Variants in SPAG16 observed in about 807,000 individuals in gnomAD.
The protein encoded by SPAG16 is sperm associated antigen 16.
A neutral mutation model predicts 80.4 loss-of-function variants in SPAG16; 86 were observed. The observed-to-expected ratio is 1.07, with a 90% CI of 0.90 to 1.28. The LOEUF is 1.28. Among genes scored for constraint, SPAG16 ranks in the 50% most tolerant of loss-of-function variants. The pLI, the probability that SPAG16 is intolerant of heterozygous loss-of-function variation, is 0.00. For missense variants in SPAG16, 870 were observed against 765.3 expected (o/e 1.14, Z -1.61); for synonymous variants, 294 against 265.9 (o/e 1.11, Z -1.03).
At chr2:214,029,937 A>G (rs1000938772) in intron 13 of SPAG16, among the ~76,000 whole-genome samples, 12 of 152,152 alleles carry the variant, frequency 7.9e-5, no homozygotes, top group African/African-American at 2.9e-4. Flanking sequence ...GGTAATAAAT[A>G]TATTCACCAC....
At chr2:214,038,239 T>C (rs1362801218) in intron 13 of SPAG16, among the ~76,000 whole-genome samples, 2 of 152,182 alleles carry the variant, frequency 1.3e-5, no homozygotes, top group African/African-American at 4.8e-5. Context: ...TTAATTCTTT[T>C]TACATTTTCT....
chr2:213,352,389 T>C (rs920818655), intron 7 of SPAG16, among the ~76,000 whole-genome samples: 1 of 152,202 alleles, frequency 6.6e-6, no homozygotes, highest in African/African-American at 2.4e-5. Flanking sequence ...TTCTATATCC[T>C]GAGGTATTAG....
At chr2:213,363,440 T>G (rs977027498) in intron 7 of SPAG16, among the ~76,000 whole-genome samples, 1 of 152,112 alleles carries the variant, frequency 6.6e-6, no homozygotes, top group African/African-American at 2.4e-5. Context: ...GAAAAAAGTG[T>G]GTATCTGTAT....
chr2:213,609,690 C>G (rs1372232262), intron 10 of SPAG16, among the ~76,000 whole-genome samples: 1 of 152,194 alleles, frequency 6.6e-6, no homozygotes, highest in Non-Finnish European at 1.5e-5. Flanking sequence ...ATTTCCTTTT[C>G]ACTCCAAACT....
chr2:213,342,571 A>G (rs1289954469), intron 6 of SPAG16, among the ~76,000 whole-genome samples: 1 of 151,850 alleles, frequency 6.6e-6, no homozygotes, highest in Admixed American at 6.6e-5. Flanking sequence ...ATCCAAATTA[A>G]TGACGTTTAT....
Position 213,728,144 on chromosome 2 carries a change from C to T in SPAG16, c.1071-134341C>T, listed in dbSNP as rs575651299. Among the ~76,000 whole-genome samples the T allele has an allele frequency of 3.9e-5, 6 of 152,126 alleles. No homozygotes were observed. In the East Asian group the frequency reaches 9.7e-4, roughly 25 times the overall value. On this transcript the variant is annotated intron_variant, in intron 10 of 15. Transcript: ENST00000331683. The stretch of plus-strand genomic sequence containing the variant: ...GATTACAGACGTGAACCACTGCACC[C>T]GGCCAAATGACAGTTCTTAAATCTC...
intron 10 of SPAG16, among the ~76,000 whole-genome samples, chr2:213,535,486 G>A (rs556141855): frequency 1.3e-5 from 2 of 152,146 alleles, no homozygotes; most frequent in South Asian, 4.1e-4. Flanking sequence ...TTTATGCTAA[G>A]TGCATACACC....
intron 9 of SPAG16, among the ~76,000 whole-genome samples, chr2:213,486,241 G>T: frequency 6.6e-6 from 1 of 151,972 alleles, no homozygotes; most frequent in East Asian, 1.9e-4. Context: ...GATCTTTTCA[G>T]CCTTCAGTAA....
chr2:213,968,448 C>T (rs1420302799), intron 12 of SPAG16, among the ~76,000 whole-genome samples: 1 of 152,170 alleles, frequency 6.6e-6, no homozygotes, highest in African/African-American at 2.4e-5. Context: ...CCACCTTGGC[C>T]TCCCAAAGTG....
intron 10 of SPAG16, among the ~76,000 whole-genome samples, chr2:213,761,361 C>T (rs182268617): frequency 6.6e-6 from 1 of 152,068 alleles, no homozygotes; most frequent in East Asian, 1.9e-4. Context: ...AGAAAAATAA[C>T]AAATTAAACC....
chr2:214,388,648 T>TTA (rs1302669430), intron 15 of SPAG16, among the ~76,000 whole-genome samples: 2 of 152,198 alleles, frequency 1.3e-5, no homozygotes, highest in African/African-American at 4.8e-5. Context: ...ACCTTTATTT[T>TTA]CATTATTACA....
At chr2:213,668,030 T>A (rs1211636277) in intron 10 of SPAG16, among the ~76,000 whole-genome samples, 1 of 151,986 alleles carries the variant, frequency 6.6e-6, no homozygotes, top group Admixed American at 6.6e-5. Context: ...AACCTCCGCC[T>A]CCTGAGTTCG....
At chr2:214,357,559 C>T (rs1698899648) in intron 15 of SPAG16, among the ~76,000 whole-genome samples, 1 of 151,890 alleles carries the variant, frequency 6.6e-6, no homozygotes, top group Non-Finnish European at 1.5e-5. Context: ...ATTTTGTTCT[C>T]TCTAAAATGT....
At chr2:213,822,831 G>A (rs550070664) in intron 10 of SPAG16, among the ~76,000 whole-genome samples, 11 of 152,180 alleles carry the variant, frequency 7.2e-5, no homozygotes, top group South Asian at 6.2e-4. Context: ...GCAGTGTTTC[G>A]TTTTCTGTTC....
At chr2:213,678,588 C>T (rs1351226853) in intron 10 of SPAG16, among the ~76,000 whole-genome samples, 4 of 152,084 alleles carry the variant, frequency 2.6e-5, no homozygotes, top group Non-Finnish European at 4.4e-5. Context: ...TGTTTTATGC[C>T]GGAAACTGCC....
At chr2:214,100,524 G>T (rs1292066276) in intron 13 of SPAG16, among the ~76,000 whole-genome samples, 1 of 151,932 alleles carries the variant, frequency 6.6e-6, no homozygotes, top group South Asian at 2.1e-4. Context: ...TTCAATACTC[G>T]TCTTTCTCCC....
intron 12 of SPAG16, among the ~76,000 whole-genome samples, chr2:213,980,267 ATTCTCT>A (rs1379862319): frequency 0.074 from 3,950 of 53,654 alleles, 130 homozygotes; most frequent in South Asian, 0.14. Flanking sequence ...GTGTATATAT[ATTCTCT>A]ATATATATAG....
chr2:214,062,418 CAAAAAAAAAAAAAAA>C (rs56693089), intron 13 of SPAG16, among the ~76,000 whole-genome samples: 2 of 55,372 alleles, frequency 3.6e-5, no homozygotes, highest in African/African-American at 1.3e-4. Flanking sequence ...GACTCTGACT[CAAAAAAAAAAAAAAA>C]AAAAAAAAAA....
chr2:213,285,273 G>T (rs1488290731), intron 1 of SPAG16, among the ~76,000 whole-genome samples: 1 of 152,166 alleles, frequency 6.6e-6, no homozygotes, highest in Non-Finnish European at 1.5e-5. Context: ...AAAGCAGATG[G>T]TGATTAGCGA....
Sources: allele counts gnomAD v4.1 joint callset (sites outside exome capture counted in the v4.1 genomes callset), GRCh38; gene constraint gnomAD v4.1.1; transcripts MANE v1.5; gene names NCBI Gene and HGNC (gene_info 2026-07-23, HGNC 2026-07-21).